The following ABCA13 variants were observed in gnomAD, a reference collection of about 807,000 sequenced individuals.
ABCA13 encodes ATP binding cassette subfamily A member 13, also known as ATP-binding cassette sub-family A member 13.
Under a neutral mutation model 478.7 loss-of-function variants are expected in ABCA13, and 476 were observed. The ratio of observed to expected loss-of-function variants is 0.99; its 90% CI spans 0.92 to 1.07. ABCA13 has a LOEUF of 1.07. ABCA13 is among the 50% of genes least tolerant of loss of function. The pLI is 0.00. For missense variants in ABCA13, 6,060 were observed against 5,910.6 expected, an observed-to-expected ratio of 1.03 and a Z score of -0.83; for synonymous variants, 2,252 against 2,158.9, an observed-to-expected ratio of 1.04 and a Z score of -1.20.
chr7:48,455,284 CAGG>C lies in ABCA13; in HGVS notation c.12814_12815+1del. The C allele has an allele frequency of 6.2e-7, 1 of 1,601,136 alleles. No individual in the cohort carries two copies. Among genetic ancestry groups the C allele is most frequent in the Non-Finnish European group, 8.5e-7 (1 of 1,173,088 alleles). ...ACCAGCGGGCCGAGACCTACTTTTT[CAGG>C]TAAGTTGTTTTTGTTCCTTTGATTT... On this transcript the variant is annotated splice_donor_variant and coding_sequence_variant, in exon 43 of 62. Transcript: ENST00000435803. LOFTEE classifies it high-confidence loss of function.
At chr7:48,417,502 A>G (rs892273486) in intron 41 of ABCA13, among the ~76,000 whole-genome samples, 4 of 152,104 alleles carry the variant, frequency 2.6e-5, no homozygotes, top group Admixed American at 2.6e-4. Flanking sequence ...CTGGAACCAC[A>G]TTTATTCATT....
At chr7:48,324,268 C>T (rs755001861) in intron 27 of ABCA13, among the ~76,000 whole-genome samples, 5 of 152,188 alleles carry the variant, frequency 3.3e-5, no homozygotes, top group Non-Finnish European at 5.9e-5. Context: ...TTTGTGTCCT[C>T]ACATAGTTGT....
chr7:48,637,402 A>AAAAACAAAAAAAAAAC, intron 59 of ABCA13, among the ~76,000 whole-genome samples: 1 of 147,980 alleles, frequency 6.8e-6, no homozygotes, highest in African/African-American at 2.6e-5. Flanking sequence ...AAAAAAAAAA[A>AAAAACAAAAAAAAAAC]AAAACAGAGA....
At chr7:48,443,994 C>T (rs1310620718) in intron 42 of ABCA13, among the ~76,000 whole-genome samples, 2 of 152,016 alleles carry the variant, frequency 1.3e-5, no homozygotes, top group Non-Finnish European at 1.5e-5. Flanking sequence ...ACCCTCTTTC[C>T]TTCCTGTTAC....
intron 45 of ABCA13, among the ~76,000 whole-genome samples, chr7:48,472,802 T>C (rs10255612): frequency 0.17 from 26,243 of 152,084 alleles, 2,511 homozygotes; most frequent in African/African-American, 0.25. Context: ...CTGTTTAGTG[T>C]ACATGCAGGT....
intron 15 of ABCA13, 110 bp from the exon 16 acceptor site, chr7:48,268,870 T>TAAAAA: frequency 2.7e-6 from 1 of 368,998 alleles, no homozygotes; most frequent in Non-Finnish European, 4.9e-6. Context: ...TTTTTTTTTT[T>TAAAAA]TTTAACATTT....
At chr7:48,200,963 G>C (rs1268480180) in intron 3 of ABCA13, among the ~76,000 whole-genome samples, 1 of 150,754 alleles carries the variant, frequency 6.6e-6, no homozygotes, top group Non-Finnish European at 1.5e-5. Context: ...GGTACCCCAA[G>C]TCCAGCGGAG....
intron 55 of ABCA13, among the ~76,000 whole-genome samples, chr7:48,569,871 T>G (rs2131312781): frequency 6.6e-6 from 1 of 152,324 alleles, no homozygotes; most frequent in African/African-American, 2.4e-5. Flanking sequence ...AGCCAAACAC[T>G]TGTTCTATTC....
intron 60 of ABCA13, 89 bp downstream of exon 60, chr7:48,643,482 G>A (rs1275385305): frequency 5.2e-6 from 6 of 1,152,966 alleles, no homozygotes; most frequent in Non-Finnish European, 6.4e-6. Context: ...ATTCTATGCT[G>A]TTATAAGATA....
chr7:48,562,511 A>G (rs769997931), intron 55 of ABCA13, among the ~76,000 whole-genome samples: 3 of 152,142 alleles, frequency 2.0e-5, no homozygotes, highest in Non-Finnish European at 2.9e-5. Flanking sequence ...TTAAAGAAGC[A>G]GAAATGACAT....
At chr7:48,566,476 G>T (rs1195660673) in intron 55 of ABCA13, among the ~76,000 whole-genome samples, 1 of 152,164 alleles carries the variant, frequency 6.6e-6, no homozygotes, top group African/African-American at 2.4e-5. Flanking sequence ...GATTGACAGT[G>T]ATTTTGATTA....
At chr7:48,601,018 C>G (rs577810236) in intron 58 of ABCA13, among the ~76,000 whole-genome samples, 3 of 151,746 alleles carry the variant, frequency 2.0e-5, no homozygotes, top group African/African-American at 7.3e-5. Context: ...TTTTTTTAGT[C>G]TTGTTTTTTT....
intron 41 of ABCA13, among the ~76,000 whole-genome samples, chr7:48,422,887 C>T (rs988343749): frequency 1.3e-5 from 2 of 152,150 alleles, no homozygotes; most frequent in African/African-American, 4.8e-5. Context: ...GAGAGATGAG[C>T]TTTAAAGATG....
At chr7:48,337,878 C>A (rs947788678) in intron 28 of ABCA13, among the ~76,000 whole-genome samples, 1 of 152,104 alleles carries the variant, frequency 6.6e-6, no homozygotes, top group East Asian at 1.9e-4. Context: ...TCAATAATAA[C>A]GAGAGAAGAA....
chr7:48,488,729 C>A (rs993152811), intron 47 of ABCA13, among the ~76,000 whole-genome samples: 5 of 152,072 alleles, frequency 3.3e-5, no homozygotes, highest in African/African-American at 1.2e-4. Flanking sequence ...GCTTTAATAA[C>A]ATTGTCTTTC....
intron 48 of ABCA13, among the ~76,000 whole-genome samples, chr7:48,490,431 A>T (rs775149125): frequency 1.3e-4 from 20 of 152,218 alleles, no homozygotes; most frequent in Admixed American, 4.6e-4. Flanking sequence ...TGTGGCTCTG[A>T]GCAAGGTAAT....
At chr7:48,506,747 C>T (rs1009789972) in intron 49 of ABCA13, among the ~76,000 whole-genome samples, 5 of 152,222 alleles carry the variant, frequency 3.3e-5, no homozygotes, top group Admixed American at 1.3e-4. Context: ...AACATAGTAA[C>T]GCCTCCTTGA....
intron 20 of ABCA13, among the ~76,000 whole-genome samples, chr7:48,291,306 G>A (rs145165905): frequency 1.3e-5 from 2 of 152,156 alleles, no homozygotes; most frequent in African/African-American, 2.4e-5. Context: ...AAATGGAGAC[G>A]GGCTTGAGCT....
intron 45 of ABCA13, among the ~76,000 whole-genome samples, chr7:48,473,186 C>G (rs892923579): frequency 2.0e-5 from 3 of 152,156 alleles, no homozygotes; most frequent in Admixed American, 2.0e-4. Flanking sequence ...TGTGGGAGTA[C>G]AAATCAAGAT....
Sources: allele counts gnomAD v4.1 joint callset (sites outside exome capture counted in the v4.1 genomes callset), GRCh38; gene constraint gnomAD v4.1.1; transcripts MANE v1.5; gene names NCBI Gene and HGNC (gene_info 2026-07-23, HGNC 2026-07-21).